Variants in DAB1 observed in about 807,000 individuals in gnomAD.
DAB1 encodes the protein DAB adaptor protein 1.
DAB1 carries 15 observed loss-of-function variants against 64.6 expected under a neutral mutation model. The ratio of observed to expected loss-of-function variants is 0.23; its 90% CI spans 0.16 to 0.36. DAB1 has a LOEUF of 0.36. DAB1 is among the 10% of genes least tolerant of loss of function. The pLI, the probability that DAB1 is intolerant of heterozygous loss-of-function variation, is 1.00. For missense variants in DAB1, 596 were observed against 706.7 expected, an observed-to-expected ratio of 0.84 and a Z score of 1.78; for synonymous variants, 235 against 251.9, an observed-to-expected ratio of 0.93 and a Z score of 0.64.
chr1:58,179,416 ATTC>A (rs1281897300), intron 4 of DAB1, among the ~76,000 whole-genome samples: 6 of 152,146 alleles, frequency 3.9e-5, no homozygotes, highest in Non-Finnish European at 8.8e-5. Context: ...ATTGGCATTA[ATTC>A]TTTTTTAAAT....
At chr1:58,541,293 CAAAAAAAAAAAAAAAAAAAAAAAAA>C (rs71043292) in intron 1 of DAB1, among the ~76,000 whole-genome samples, 368 of 27,578 alleles carry the variant, frequency 0.013, 9 homozygotes, top group Non-Finnish European at 0.021. Flanking sequence ...GACTCTGTCT[CAAAAAAAAAAAAAAAAAAAAAAAAA>C]AAAAAAAAAA....
At chr1:57,181,655 G>T (rs918579220) in intron 2 of DAB1, among the ~76,000 whole-genome samples, 3 of 152,084 alleles carry the variant, frequency 2.0e-5, no homozygotes, top group Non-Finnish European at 2.9e-5. Context: ...CTTATGATTT[G>T]CTTTATTAAT....
chr1:58,152,389 C>T (rs1332401778), intron 4 of DAB1, among the ~76,000 whole-genome samples: 1 of 152,200 alleles, frequency 6.6e-6, no homozygotes, highest in Admixed American at 6.5e-5. Context: ...TATCCCAAAA[C>T]AAAGCCATCG....
At chr1:57,287,872 C>T (rs557737831) in intron 2 of DAB1, among the ~76,000 whole-genome samples, 6 of 151,600 alleles carry the variant, frequency 4.0e-5, no homozygotes, top group South Asian at 2.1e-4. Context: ...CTTGGCTCAC[C>T]GTAACCTCTG....
At chr1:57,136,170 C>G (rs1658061992) in intron 4 of DAB1, among the ~76,000 whole-genome samples, 1 of 152,176 alleles carries the variant, frequency 6.6e-6, no homozygotes, top group African/African-American at 2.4e-5. Flanking sequence ...AGTCTGGATG[C>G]TTTGACCGAG....
chr1:57,954,306 T>G (rs1645340925), intron 5 of DAB1, among the ~76,000 whole-genome samples: 1 of 152,180 alleles, frequency 6.6e-6, no homozygotes. Flanking sequence ...TGCCATGGTC[T>G]GGCATAGAAT....
intron 1 of DAB1, among the ~76,000 whole-genome samples, chr1:57,312,875 G>A (rs879872314): frequency 6.6e-6 from 1 of 152,024 alleles, no homozygotes; most frequent in Non-Finnish European, 1.5e-5. Context: ...AGAGTTCCAG[G>A]GGGACGGTTC....
intron 1 of DAB1, among the ~76,000 whole-genome samples, chr1:57,843,931 T>C (rs1264584825): frequency 1.3e-5 from 2 of 152,240 alleles, no homozygotes; most frequent in Non-Finnish European, 1.5e-5. Flanking sequence ...TGACCAGGTT[T>C]GACCCATTCT....
At chr1:57,964,713 C>T (rs142534664) in intron 5 of DAB1, among the ~76,000 whole-genome samples, 3 of 152,222 alleles carry the variant, frequency 2.0e-5, no homozygotes, top group Non-Finnish European at 2.9e-5. Context: ...TGTAAGTTAT[C>T]CGATGGCAGA....
At chr1:58,096,581 C>T (rs898693694) in intron 5 of DAB1, among the ~76,000 whole-genome samples, 4 of 152,142 alleles carry the variant, frequency 2.6e-5, no homozygotes, top group Admixed American at 6.5e-5. Flanking sequence ...CTGTATTTAA[C>T]GAATGAGGAA....
At chr1:58,126,290 G>A (rs970595717) in intron 5 of DAB1, among the ~76,000 whole-genome samples, 6 of 151,954 alleles carry the variant, frequency 3.9e-5, no homozygotes, top group Admixed American at 2.6e-4. Context: ...AATACTTCTC[G>A]GCCTCCTGAG....
chr1:58,127,577 G>T (rs1021073356), intron 5 of DAB1, among the ~76,000 whole-genome samples: 53 of 152,240 alleles, frequency 3.5e-4, no homozygotes, highest in South Asian at 2.1e-4. Flanking sequence ...TTCTTCTAGG[G>T]TTTTTATGGT....
In DAB1 at chr1:58,309,097, C is replaced by A. The variant is rs558602814; in HGVS notation, n.309+34255G>T. Among the ~76,000 whole-genome samples the A allele has an allele frequency of 2.6e-5, 4 of 152,224 alleles. No homozygotes were observed. The South Asian group carries it at 6.2e-4, about 24-fold the overall frequency. ...AGCTTAGCCTTAGAGCCTCTTTGAG[C>A]ACTGTTTTTCTTAGCTATAAAATGC... On this transcript the variant is annotated intron_variant and non_coding_transcript_variant, in intron 4 of 20. Transcript: ENST00000485760.
chr1:58,527,263 T>C (rs1646366878), exon 2 of DAB1: 1 of 872,174 alleles, frequency 1.1e-6, no homozygotes, highest in African/African-American at 1.6e-5. Flanking sequence ...CACTTTACCT[T>C]TGCAGCAAGC....
intron 5 of DAB1, among the ~76,000 whole-genome samples, chr1:57,945,226 CTGTT>C (rs1266959548): frequency 2.0e-5 from 3 of 152,062 alleles, no homozygotes; most frequent in African/African-American, 7.2e-5. Flanking sequence ...TGAATACTGT[CTGTT>C]TATCATCATC....
intron 7 of DAB1, among the ~76,000 whole-genome samples, chr1:57,465,816 T>C (rs1038933836): frequency 6.6e-6 from 1 of 152,206 alleles, no homozygotes; most frequent in African/African-American, 2.4e-5. Context: ...CTATTCAGTA[T>C]CTGAGTGAAC....
chr1:57,607,582 G>A (rs912924521), intron 7 of DAB1, among the ~76,000 whole-genome samples: 57 of 152,108 alleles, frequency 3.7e-4, no homozygotes, highest in African/African-American at 1.3e-3. Context: ...ATCATCTCTC[G>A]CCTGACCATT....
chr1:58,509,113 G>A (rs865823583), intron 2 of DAB1, among the ~76,000 whole-genome samples: 1 of 152,162 alleles, frequency 6.6e-6, no homozygotes, highest in Middle Eastern at 3.4e-3. Context: ...AAGGCTAAGA[G>A]GTTGCTGTTT....
intron 6 of DAB1, among the ~76,000 whole-genome samples, chr1:57,811,219 C>T (rs1272032826): frequency 6.6e-6 from 1 of 152,108 alleles, no homozygotes; most frequent in African/African-American, 2.4e-5. Context: ...AATCTGTGTC[C>T]CCACCCAAAT....
Sources: gnomAD v4.1 joint callset for allele counts (sites outside exome capture counted in the v4.1 genomes callset) on GRCh38, gnomAD v4.1.1 for gene constraint, MANE v1.5 for transcripts, NCBI Gene and HGNC (gene_info 2026-07-23, HGNC 2026-07-21) for gene names.